Variants in RBFOX3 observed in about 807,000 individuals in gnomAD.
RBFOX3 encodes RNA binding protein fox-1 homolog 3.
Under a neutral mutation model 48.7 loss-of-function variants are expected in RBFOX3, and 17 were observed. The ratio of observed to expected loss-of-function variants is 0.35; its 90% CI spans 0.24 to 0.52. The LOEUF is 0.52. Among genes scored for constraint, RBFOX3 ranks in the 20% least tolerant of loss-of-function variants. The pLI is 0.94. For missense variants in RBFOX3, 382 were observed against 497.5 expected, an observed-to-expected ratio of 0.77 and a Z score of 2.21; for synonymous variants, 212 against 209.5, an observed-to-expected ratio of 1.01 and a Z score of -0.10.
intron 2 of RBFOX3, among the ~76,000 whole-genome samples, chr17:79,472,240 G>A (rs559428747): frequency 1.3e-5 from 2 of 152,216 alleles, no homozygotes; most frequent in African/African-American, 4.8e-5. Context: ...CGTACTAGCT[G>A]GTGGCAGAGG....
chr17:79,388,573 G>T (rs1171956146), intron 2 of RBFOX3, among the ~76,000 whole-genome samples: 2 of 152,164 alleles, frequency 1.3e-5, no homozygotes, highest in Admixed American at 1.3e-4. Flanking sequence ...AAAAACAGGG[G>T]ATTTAAGCTG....
At chr17:79,637,620 A>G in the RBFOX3 span, among the ~76,000 whole-genome samples, 1 of 147,776 alleles carries the variant, frequency 6.8e-6, no homozygotes, top group Non-Finnish European at 1.5e-5. Flanking sequence ...ACTTGAACCC[A>G]GGAGGTGGAG....
chr17:79,141,967 T>C (rs545771165), intron 4 of RBFOX3, among the ~76,000 whole-genome samples: 21 of 152,126 alleles, frequency 1.4e-4, no homozygotes, highest in Admixed American at 2.0e-4. Flanking sequence ...AAAGAAACCC[T>C]GAGAAAGAGG....
At chr17:79,232,873 T>C (rs1666696562) in intron 4 of RBFOX3, among the ~76,000 whole-genome samples, 1 of 152,214 alleles carries the variant, frequency 6.6e-6, no homozygotes, top group African/African-American at 2.4e-5. Flanking sequence ...CACCAAGGGT[T>C]GCGGAGGCTG....
intron 1 of RBFOX3, among the ~76,000 whole-genome samples, chr17:79,581,806 G>T (rs2093068964): frequency 6.6e-6 from 1 of 152,236 alleles, no homozygotes; most frequent in Non-Finnish European, 1.5e-5. Flanking sequence ...ATTTGGCATG[G>T]TTTTCATAGA....
At chr17:79,277,309 G>GT (rs1462007613) in intron 3 of RBFOX3, among the ~76,000 whole-genome samples, 2 of 142,010 alleles carry the variant, frequency 1.4e-5, no homozygotes, top group African/African-American at 5.2e-5. Context: ...GGGGAGGGGG[G>GT]GGGTAGTGCT....
intron 2 of RBFOX3, among the ~76,000 whole-genome samples, chr17:79,370,050 C>T (rs2058308240): frequency 1.3e-5 from 2 of 152,230 alleles, no homozygotes; most frequent in Admixed American, 1.3e-4. Flanking sequence ...AGGGAGTTCA[C>T]ACCTGGGGCC....
chr17:79,538,724 G>C (rs2089244603), intron 1 of RBFOX3, among the ~76,000 whole-genome samples: 1 of 152,190 alleles, frequency 6.6e-6, no homozygotes, highest in South Asian at 2.1e-4. Flanking sequence ...TGTGGGGGCT[G>C]GATGTCTGTT....
intron 2 of RBFOX3, among the ~76,000 whole-genome samples, chr17:79,457,220 TG>T (rs1568283681): frequency 1.3e-5 from 2 of 152,154 alleles, no homozygotes; most frequent in African/African-American, 4.8e-5. Flanking sequence ...ATTTCAGGGT[TG>T]ATGGTCGGAC....
At chr17:79,278,112 A>C (rs371828035) in intron 3 of RBFOX3, among the ~76,000 whole-genome samples, 34 of 152,282 alleles carry the variant, frequency 2.2e-4, no homozygotes, top group African/African-American at 7.7e-4. Context: ...CACATCTGGA[A>C]TTGAGATGGC....
intron 1 of RBFOX3, among the ~76,000 whole-genome samples, chr17:79,568,163 C>A (rs2092538609): frequency 6.6e-6 from 1 of 152,160 alleles, no homozygotes; most frequent in Non-Finnish European, 1.5e-5. Context: ...TGACACACAT[C>A]TAGAGTACAA....
chr17:79,507,196 T>A (rs2083277770), intron 1 of RBFOX3, among the ~76,000 whole-genome samples: 1 of 152,142 alleles, frequency 6.6e-6, no homozygotes, highest in Non-Finnish European at 1.5e-5. Flanking sequence ...CGCCTGCTTC[T>A]TATCAGACAC....
chr17:79,554,459 C>A (rs1444355956), intron 1 of RBFOX3, among the ~76,000 whole-genome samples: 1 of 136,722 alleles, frequency 7.3e-6, no homozygotes, highest in Non-Finnish European at 1.6e-5. Context: ...CTCACAGTCA[C>A]CCCTCACCTG....
intron 4 of RBFOX3, among the ~76,000 whole-genome samples, chr17:79,191,889 G>A (rs573672435): frequency 6.6e-6 from 1 of 152,292 alleles, no homozygotes; most frequent in South Asian, 2.1e-4. Context: ...TTCCCTCCCG[G>A]CAGCCTAAGA....
At chr17:79,620,492 C>T in the RBFOX3 span, among the ~76,000 whole-genome samples, 3 of 136,352 alleles carry the variant, frequency 2.2e-5, no homozygotes, top group African/African-American at 1.1e-4. Flanking sequence ...CACGTGCACA[C>T]ACGCGCACAC....
intron 2 of RBFOX3, among the ~76,000 whole-genome samples, chr17:79,451,655 G>A (rs942657186): frequency 1.5e-4 from 23 of 152,220 alleles, no homozygotes; most frequent in Non-Finnish European, 5.9e-5. Context: ...ACCCACCCCT[G>A]GTGAGGAGGC....
chr17:79,646,574 C>G, the RBFOX3 span, among the ~76,000 whole-genome samples: 1 of 152,174 alleles, frequency 6.6e-6, no homozygotes, highest in Non-Finnish European at 1.5e-5. Flanking sequence ...GACTTATTCA[C>G]TACCATGAGA....
At chr17:79,316,217 C>A (rs9890086) in intron 2 of RBFOX3, among the ~76,000 whole-genome samples, 70 of 152,308 alleles carry the variant, frequency 4.6e-4, no homozygotes, top group African/African-American at 1.7e-3. Context: ...CGAGGCCATG[C>A]AGTGGCTTTG....
intron 3 of RBFOX3, among the ~76,000 whole-genome samples, chr17:79,294,731 G>C (rs2074041646): frequency 6.6e-6 from 1 of 152,180 alleles, no homozygotes; most frequent in South Asian, 2.1e-4. Flanking sequence ...TGGGGGCCAC[G>C]TGGAGGAGGC....
Sources: allele counts gnomAD v4.1 joint callset (sites outside exome capture counted in the v4.1 genomes callset), GRCh38; gene constraint gnomAD v4.1.1; transcripts MANE v1.5; gene names NCBI Gene and HGNC (gene_info 2026-07-23, HGNC 2026-07-21).